Variants in ACOT7 observed in about 807,000 individuals in gnomAD.
The protein encoded by ACOT7 is cytosolic acyl coenzyme A thioester hydrolase.
A neutral mutation model predicts 40.2 loss-of-function variants in ACOT7; 12 were observed. That is an observed-to-expected ratio of 0.30 (90% CI 0.19 to 0.48). The LOEUF is 0.48. Among genes scored for constraint, ACOT7 ranks in the 20% least tolerant of loss-of-function variants. The pLI is 0.99. For synonymous variants in ACOT7, 228 were observed against 219.5 expected (o/e 1.04, Z -0.34); for missense variants, 395 against 530.8 (o/e 0.74, Z 2.51).
At position 6,339,571 on chromosome 1, in the gene ACOT7, G is replaced by C; in HGVS notation, c.280C>G (p.Leu94Val). Residue 94 changes from leucine (L) to valine (V), a missense_variant, in exon 3 of 9, where the codon CTG becomes GTG. Leu to Val is a conservative substitution (Grantham distance 32). This residue lies in a region of ACOT7 where 309 missense variants were observed against 470.3 expected (regional missense o/e 0.66). Coordinates refer to ENST00000361521, the MANE Select transcript of ACOT7 (RefSeq NM_007274.4). ...AAGTCGGTGCGCTCGACACGAGCCA[G>C]GGCGGCCACACAGCGCTCCTGTGGA... ...SQNGERCVAA[L>V]ARVERTDFLS... 6.2e-7 allele frequency: 1 copy of C among 1,613,376 alleles called. No individual in the cohort carries two copies. The highest frequency in any genetic ancestry group is 1.1e-5 in the South Asian group (1 of 91,076).
rs1639979963 is a variant in ACOT7 at position 6,301,779 on chromosome 1, C to A, written c.713-6799G>T. The stretch of plus-strand genomic sequence containing the variant: ...GAAAAGCTCATCCGGTCCCAGAAAC[C>A]CCAAAGCCAGGTGAGCTTGATGACC... On this transcript the variant is annotated intron_variant, in intron 6 of 8. Transcript: ENST00000361521. The surrounding 1 kb of genome is among the most constrained non-coding windows in gnomAD (Gnocchi z 4.1). 6.6e-6 allele frequency among the ~76,000 whole-genome samples: 1 copy of A among 152,158 alleles called. No homozygotes were observed. Among genetic ancestry groups the A allele is most frequent in the South Asian group, 2.1e-4 (1 of 4,826 alleles).
At chr1:6,269,121 C>A (rs1050486752) in intron 8 of ACOT7, among the ~76,000 whole-genome samples, 1 of 152,218 alleles carries the variant, frequency 6.6e-6, no homozygotes, top group African/African-American at 2.4e-5. Context: ...CCACTTTTAC[C>A]AATGAGGAAG....
In ACOT7 at chr1:6,306,985, C is replaced by T; in HGVS notation, c.712+11507G>A. Reference sequence around the variant, plus strand: ...ACTTGCGTCCCCTCCCATGTTTTCTCTGCCTTCCCTTTCCTCTGCCTCCTC... The same window carrying T: ...ACTTGCGTCCCCTCCCATGTTTTCTTTGCCTTCCCTTTCCTCTGCCTCCTC... On this transcript the variant is annotated intron_variant, in intron 6 of 8. Transcript: ENST00000361521. This position sits in a 1 kb window ranked among gnomAD's most constrained non-coding sequence, Gnocchi z 4.3. 1 of 1,198,826 alleles carries T rather than the reference C, an allele frequency of 8.3e-7. No individual in the cohort carries two copies. The highest frequency in any genetic ancestry group is 1.1e-6 in the Non-Finnish European group (1 of 909,456). 74.3% of individuals were successfully genotyped at this position (1,198,826 alleles called of 1,614,324 possible). A position where few individuals can be genotyped will look rare whatever the true frequency, so the allele number is the denominator to read the frequency against.
At chr1:6,387,935 T>G (rs1353367785) in intron 1 of ACOT7, among the ~76,000 whole-genome samples, 1 of 106,562 alleles carries the variant, frequency 9.4e-6, no homozygotes, top group African/African-American at 5.5e-5. Flanking sequence ...AGGTTCTTTG[T>G]TTTTTTTTTT....
chr1:6,281,239 A>T lies in ACOT7; in HGVS notation c.877T>A (p.Ser293Thr), dbSNP rs752711896. The change falls in exon 8 of 9, where the codon TCC becomes ACC. Residue 293 changes from serine (S) to threonine (T), a missense_variant. Physicochemically the swap from Ser to Thr is moderately conservative, Grantham distance 58 (BLOSUM62 1). Coordinates refer to ENST00000361521, the MANE Select transcript of ACOT7 (RefSeq NM_007274.4). ...SGRMTFTSNK[S>T]MEIEVLVDAD... ...TCCACCAACACCTCGATCTCCATGG[A>T]CTTATTGCTCGTGAAGGTCATGCGT... is the stretch of plus-strand genomic sequence containing the variant. The T allele has an allele frequency of 6.2e-7, 1 of 1,613,358 alleles. No individual in the cohort carries two copies. Among genetic ancestry groups the T allele is most frequent in the South Asian group, 1.1e-5 (1 of 91,062 alleles).
intron 1 of ACOT7, among the ~76,000 whole-genome samples, chr1:6,375,721 G>C (rs972800199): frequency 4.0e-5 from 6 of 151,894 alleles, no homozygotes; most frequent in Non-Finnish European, 7.4e-5. Context: ...TGGATCACGA[G>C]GTCAGGAGAT....
chr1:6,385,389 T>C, intron 1 of ACOT7: 1 of 1,386,124 alleles, frequency 7.2e-7, no homozygotes, highest in South Asian at 1.3e-5. Flanking sequence ...CCGACCCTAC[T>C]ACCCTCCCCA....
chr1:6,366,157 A>T (rs1247578225), intron 1 of ACOT7, among the ~76,000 whole-genome samples: 1 of 151,788 alleles, frequency 6.6e-6, no homozygotes. Flanking sequence ...CAGCCTCCCA[A>T]AGTGCTGGGA....
chr1:6,293,785 G>A (rs953175055), intron 7 of ACOT7, among the ~76,000 whole-genome samples: 4 of 152,232 alleles, frequency 2.6e-5, no homozygotes, highest in Non-Finnish European at 5.9e-5. Flanking sequence ...CCAAAATCCA[G>A]CATGTGTGAG....
rs61182488 is a variant in ACOT7, at chr1:6,330,386, T to C, written c.511-2973A>G. Among the ~76,000 whole-genome samples, 16,090 of 151,958 alleles carry C rather than the reference T, an allele frequency of 0.11. 2,244 individuals are homozygous for C. Among genetic ancestry groups the C allele is most frequent in the African/African-American group, 0.32 (13,308 of 41,418 alleles). ...ACAGGAGACCTAGATTCCAAATCAGTGGGAGGTTTATACTACGTGGGCCTA... is the reference window on the plus strand; with the variant it reads ...ACAGGAGACCTAGATTCCAAATCAGCGGGAGGTTTATACTACGTGGGCCTA... On this transcript the variant is annotated intron_variant, in intron 4 of 8. Coordinates refer to ENST00000361521, the MANE Select transcript of ACOT7 (RefSeq NM_007274.4). The surrounding 1 kb of genome is among the most constrained non-coding windows in gnomAD (Gnocchi z 4.6).
intron 1 of ACOT7, among the ~76,000 whole-genome samples, chr1:6,382,712 T>C (rs1260653300): frequency 6.6e-6 from 1 of 151,112 alleles, no homozygotes; most frequent in Non-Finnish European, 1.5e-5. Context: ...GCTACTCGGG[T>C]GGCTGAGGCA....
intron 1 of ACOT7, among the ~76,000 whole-genome samples, chr1:6,392,552 G>A (rs1399949038): frequency 1.3e-5 from 2 of 152,308 alleles, no homozygotes; most frequent in Middle Eastern, 3.4e-3. Flanking sequence ...GAAGAAGAGG[G>A]GGTGCTCTAG....
chr1:6,267,282 C>A (rs753965495), intron 8 of ACOT7, among the ~76,000 whole-genome samples: 10 of 152,230 alleles, frequency 6.6e-5, no homozygotes, highest in Non-Finnish European at 1.5e-4. Context: ...AGTCCCCAGC[C>A]ACATGCTCTC....
intron 1 of ACOT7, among the ~76,000 whole-genome samples, chr1:6,388,960 G>A (rs1231907089): frequency 9.3e-5 from 14 of 151,118 alleles, no homozygotes. Context: ...AGAATGGCGT[G>A]AACCCGGGAG....
intron 1 of ACOT7, among the ~76,000 whole-genome samples, chr1:6,365,833 T>C (rs1641999235): frequency 1.3e-5 from 2 of 152,102 alleles, no homozygotes; most frequent in African/African-American, 2.4e-5. Flanking sequence ...GTGAGTGGTA[T>C]TCTTTTTGCT....
chr1:6,325,878 C>T (rs1430186959), intron 5 of ACOT7, among the ~76,000 whole-genome samples: 5 of 152,312 alleles, frequency 3.3e-5, no homozygotes, highest in South Asian at 2.1e-4. Context: ...GGGGCCAGGG[C>T]GCCTCTCGGC....
At chr1:6,372,967 A>G (rs1213307058) in intron 1 of ACOT7, among the ~76,000 whole-genome samples, 1 of 152,178 alleles carries the variant, frequency 6.6e-6, no homozygotes, top group Non-Finnish European at 1.5e-5. Context: ...GAGGGAGCTC[A>G]CGAAAAGGGA....
intron 1 of ACOT7, chr1:6,385,902 G>A (rs1029857762): frequency 1.6e-6 from 2 of 1,224,878 alleles, no homozygotes; most frequent in African/African-American, 3.0e-5. Flanking sequence ...AGTGATGCAA[G>A]GAATCCATGA....
At chr1:6,287,175 G>T (rs1475443257) in intron 7 of ACOT7, among the ~76,000 whole-genome samples, 6 of 152,256 alleles carry the variant, frequency 3.9e-5, no homozygotes, top group African/African-American at 1.4e-4. Flanking sequence ...TCCAGGGCAG[G>T]CCTCAAAGGT....
Sources: gnomAD v4.1 joint callset for allele counts (sites outside exome capture counted in the v4.1 genomes callset) on GRCh38, gnomAD v4.1.1 for gene constraint, gnomAD v4.1.1 regional missense constraint, Gnocchi (gnomAD v3.1) non-coding constraint, MANE v1.5 for transcripts, NCBI Gene and HGNC (gene_info 2026-07-23, HGNC 2026-07-21) for gene names.